Variants in STXBP5L observed in about 807,000 individuals in gnomAD.
STXBP5L encodes the protein syntaxin binding protein 5L.
In STXBP5L, 65 loss-of-function variants were observed where a neutral mutation model predicts 144.5. The ratio of observed to expected loss-of-function variants is 0.45; its 90% confidence interval spans 0.37 to 0.55. STXBP5L has a LOEUF of 0.55. STXBP5L is among the 20% of genes least tolerant of loss of function. The pLI, the probability that STXBP5L is intolerant of heterozygous loss-of-function variation, is 0.00. For synonymous variants in STXBP5L, 505 were observed against 469.6 expected (o/e 1.08, Z -0.97); for missense variants, 1,298 against 1,405.5 (o/e 0.92, Z 1.22).
chr3:121,321,230 G>A (rs1167669867), intron 20 of STXBP5L, among the ~76,000 whole-genome samples: 1 of 152,076 alleles, frequency 6.6e-6, no homozygotes, highest in Non-Finnish European at 1.5e-5. Context: ...AATAATTGAG[G>A]AATGAGAGAT....
chr3:121,090,377 C>T (rs2042718680), intron 5 of STXBP5L, among the ~76,000 whole-genome samples: 1 of 152,078 alleles, frequency 6.6e-6, no homozygotes, highest in South Asian at 2.1e-4. Flanking sequence ...TCTTTTACCC[C>T]TCTTACAAGG....
chr3:121,187,879 G>C (rs909330421), intron 9 of STXBP5L, among the ~76,000 whole-genome samples: 9 of 151,346 alleles, frequency 5.9e-5, no homozygotes, highest in Admixed American at 2.0e-4. Context: ...AAAAAAAAAA[G>C]CAGCGGTTGC....
chr3:121,373,487 G>A (rs547623776), intron 20 of STXBP5L, among the ~76,000 whole-genome samples: 4 of 152,064 alleles, frequency 2.6e-5, no homozygotes, highest in Admixed American at 6.5e-5. Context: ...ACTACATCCC[G>A]CCCTGGTGCC....
chr3:121,293,899 A>T (rs2051545598), intron 19 of STXBP5L, among the ~76,000 whole-genome samples: 1 of 152,218 alleles, frequency 6.6e-6, no homozygotes, highest in South Asian at 2.1e-4. Context: ...AGGTTCTAGG[A>T]TGGTAAAGGA....
intron 5 of STXBP5L, among the ~76,000 whole-genome samples, chr3:121,071,091 C>T (rs2041791390): frequency 6.6e-6 from 1 of 152,086 alleles, no homozygotes; most frequent in South Asian, 2.1e-4. Context: ...AGGCTTCTAT[C>T]ATACAGTGAT....
chr3:121,340,655 A>G (rs552101951), intron 20 of STXBP5L, among the ~76,000 whole-genome samples: 1 of 152,296 alleles, frequency 6.6e-6, no homozygotes, highest in East Asian at 1.9e-4. Context: ...TGCAAAGGAC[A>G]TGAACTCATC....
At chr3:121,090,412 C>G (rs953066185) in intron 5 of STXBP5L, among the ~76,000 whole-genome samples, 14 of 152,108 alleles carry the variant, frequency 9.2e-5, no homozygotes, top group African/African-American at 3.4e-4. Context: ...CTCCTTACTG[C>G]TCCTCAAATG....
chr3:121,390,152 G>C (rs1348019407), intron 22 of STXBP5L, among the ~76,000 whole-genome samples: 1 of 152,066 alleles, frequency 6.6e-6, no homozygotes, highest in African/African-American at 2.4e-5. Context: ...GGCCTTCTTT[G>C]TCTCTTTTGA....
chr3:121,265,735 A>G lies in STXBP5L; in HGVS notation c.1958+6567A>G, dbSNP rs762172663. ...TAAATAGACCACTAGCCAGATGAAT[A>G]AAGAAGAAAAGATAGAAGAATCAAA... On this transcript the variant is annotated intron_variant, in intron 18 of 26. Transcript: ENST00000471454. Among the ~76,000 whole-genome samples the G allele has an allele frequency of 2.6e-5, 4 of 152,156 alleles. 1 individual carries two copies. Among genetic ancestry groups the G allele is most frequent in the Admixed American group, 2.6e-4 (4 of 15,284 alleles).
At chr3:120,962,108 T>C (rs1217327085) in intron 3 of STXBP5L, among the ~76,000 whole-genome samples, 2 of 151,838 alleles carry the variant, frequency 1.3e-5, no homozygotes, top group Non-Finnish European at 2.9e-5. Context: ...TTTGCCCACT[T>C]TTCGATGGGG....
At chr3:120,938,098 C>A (rs661160) in intron 2 of STXBP5L, among the ~76,000 whole-genome samples, 32,408 of 151,672 alleles carry the variant, frequency 0.21, 3,689 homozygotes, top group Non-Finnish European at 0.26. Flanking sequence ...TATTATTTTA[C>A]CTAGATATAA....
At chr3:121,400,522 C>CG (rs2046846570) in intron 22 of STXBP5L, among the ~76,000 whole-genome samples, 1 of 152,182 alleles carries the variant, frequency 6.6e-6, no homozygotes, top group African/African-American at 2.4e-5. Context: ...CACCCCTCTT[C>CG]TATGGTTTGA....
intron 9 of STXBP5L, among the ~76,000 whole-genome samples, chr3:121,195,686 C>G (rs570843779): frequency 6.6e-6 from 1 of 152,150 alleles, no homozygotes; most frequent in African/African-American, 2.4e-5. Flanking sequence ...TAATAGATTG[C>G]GTGACTCATC....
At chr3:121,363,104 C>G (rs2108643000) in intron 20 of STXBP5L, among the ~76,000 whole-genome samples, 1 of 152,188 alleles carries the variant, frequency 6.6e-6, no homozygotes, top group African/African-American at 2.4e-5. Context: ...GAATTGGTAT[C>G]CTAGATGCAA....
At chr3:121,173,001 T>TA (rs200728127) in intron 9 of STXBP5L, among the ~76,000 whole-genome samples, 4 of 151,958 alleles carry the variant, frequency 2.6e-5, no homozygotes, top group African/African-American at 9.7e-5. Flanking sequence ...TATGCAGCCA[T>TA]AAAAAAGGAT....
At chr3:121,167,859 G>A (rs1256883579) in intron 9 of STXBP5L, among the ~76,000 whole-genome samples, 1 of 152,196 alleles carries the variant, frequency 6.6e-6, no homozygotes, top group Non-Finnish European at 1.5e-5. Context: ...CCTCAAGTGG[G>A]TCCCTGACCC....
chr3:121,019,211 C>G (rs895226070), intron 3 of STXBP5L, among the ~76,000 whole-genome samples: 4 of 152,262 alleles, frequency 2.6e-5, no homozygotes, highest in Admixed American at 1.3e-4. Flanking sequence ...TCACAGGAGC[C>G]ACAGCAAGCC....
rs183251812 is a variant in STXBP5L, at chr3:120,972,104, G to A, written c.287+17067G>A. 4.2e-3 allele frequency among the ~76,000 whole-genome samples: 642 copies of A among 151,996 alleles called. 5 individuals are homozygous for A. Among genetic ancestry groups the A allele is most frequent in the African/African-American group, 0.015 (613 of 41,484 alleles). ...TTTACAATTATTCTTATTCTATGGG[G>A]AATGATGTTGGCATTGGTAATTTGA... On this transcript the variant is annotated intron_variant, in intron 3 of 26. Coordinates refer to ENST00000471454, the MANE Select transcript of STXBP5L (RefSeq NM_001308330.2).
At chr3:121,413,851 T>C (rs2047175318) in intron 24 of STXBP5L, among the ~76,000 whole-genome samples, 2 of 152,308 alleles carry the variant, frequency 1.3e-5, no homozygotes, top group African/African-American at 4.8e-5. Context: ...AAAAGCATCT[T>C]GGACATTTAA....
Sources: allele counts gnomAD v4.1 joint callset (sites outside exome capture counted in the v4.1 genomes callset), GRCh38; gene constraint gnomAD v4.1.1; transcripts MANE v1.5; gene names NCBI Gene and HGNC (gene_info 2026-07-23, HGNC 2026-07-21).